MBNL1: variants seen among roughly 807,000 people sequenced by gnomAD.
MBNL1 encodes muscleblind like splicing regulator 1, also known as muscleblind-like protein 1.
In MBNL1, 8 loss-of-function variants were observed where a neutral mutation model predicts 42.2. The observed-to-expected ratio is 0.19, with a 90% CI of 0.11 to 0.34. The LOEUF is 0.34. Ranked by LOEUF, MBNL1 falls within the 10% of genes least tolerant of loss-of-function variation. The probability of loss-of-function intolerance (pLI) is 1.00; values close to 1 mark genes in which losing one functional copy is unlikely to be tolerated. For synonymous variants in MBNL1, 169 were observed against 173.9 expected (o/e 0.97, Z 0.22); for missense variants, 309 against 495.3 (o/e 0.62, Z 3.57).
intron 2 of MBNL1, among the ~76,000 whole-genome samples, chr3:152,311,563 A>C (rs763754509): frequency 6.6e-6 from 1 of 152,150 alleles, no homozygotes; most frequent in Non-Finnish European, 1.5e-5. Context: ...TTCTAGGACT[A>C]AAATTTCAGT....
chr3:152,399,760 C>T (rs2098134644), intron 2 of MBNL1, among the ~76,000 whole-genome samples: 1 of 152,144 alleles, frequency 6.6e-6, no homozygotes, highest in African/African-American at 2.4e-5. Context: ...ATCTCAGCCT[C>T]CCAAAGTACT....
intron 2 of MBNL1, chr3:152,338,204 T>G: frequency 1.0e-6 from 1 of 985,440 alleles, no homozygotes; most frequent in Non-Finnish European, 1.2e-6. Flanking sequence ...TTTGTTGCAT[T>G]TCTCCATTGC....
At chr3:152,261,822 A>C (rs2036337078) in intron 2 of MBNL1, among the ~76,000 whole-genome samples, 1 of 152,144 alleles carries the variant, frequency 6.6e-6, no homozygotes, top group Non-Finnish European at 1.5e-5. Flanking sequence ...ATAGCCTTTC[A>C]TGACTTTTTT....
intron 1 of MBNL1, among the ~76,000 whole-genome samples, chr3:152,298,408 C>G (rs1474104161): frequency 1.3e-5 from 2 of 152,216 alleles, no homozygotes; most frequent in African/African-American, 4.8e-5. Context: ...GGGGATCCCT[C>G]ATCCCCCACC....
intron 2 of MBNL1, among the ~76,000 whole-genome samples, chr3:152,260,603 A>C (rs1264795172): frequency 2.6e-5 from 4 of 152,360 alleles, no homozygotes; most frequent in African/African-American, 7.2e-5. Context: ...GACACACTTT[A>C]TCTCTCAGAG....
At chr3:152,375,724 T>TG (rs1305138781) in intron 2 of MBNL1, among the ~76,000 whole-genome samples, 3 of 151,536 alleles carry the variant, frequency 2.0e-5, no homozygotes, top group African/African-American at 7.3e-5. Context: ...GAGTCTGAGG[T>TG]GGGGGGATTG....
chr3:152,360,064 A>G (rs544223908), intron 2 of MBNL1, among the ~76,000 whole-genome samples: 1 of 152,330 alleles, frequency 6.6e-6, no homozygotes, highest in East Asian at 1.9e-4. Flanking sequence ...TGTCATGTCA[A>G]CCACATACCT....
chr3:152,263,548 C>T (rs1274999655), upstream of MBNL1: 1 of 152,170 alleles, frequency 6.6e-6, no homozygotes, highest in African/African-American at 2.4e-5. Context: ...AAATCACATT[C>T]CGCTGCTGGG....
rs187588749 is a variant in MBNL1, at chr3:152,345,150, T to C, written c.174+44783T>C. 3.9e-5 allele frequency among the ~76,000 whole-genome samples: 6 copies of C among 152,152 alleles called. No individual in the cohort carries two copies. In the East Asian group the frequency reaches 1.2e-3, roughly 29 times the overall value. ...TATTTTGGCAATTCACTGTGGGAGT[T>C]TTAATTAGGTAGTATGTTTGGGTTA... On this transcript the variant is annotated intron_variant, in intron 2 of 9. Coordinates refer to ENST00000324210, the MANE Select transcript of MBNL1 (RefSeq NM_021038.5).
chr3:152,346,020 T>C (rs186565859), intron 2 of MBNL1, among the ~76,000 whole-genome samples: 2 of 152,266 alleles, frequency 1.3e-5, no homozygotes, highest in East Asian at 3.9e-4. Flanking sequence ...TTTAGCTTCC[T>C]ATTTTATGAG....
chr3:152,381,442 C>A (rs1248006464), intron 2 of MBNL1, among the ~76,000 whole-genome samples: 2 of 151,786 alleles, frequency 1.3e-5, no homozygotes, highest in East Asian at 3.9e-4. Context: ...AAGAAAAATT[C>A]CTATTTACAG....
chr3:152,374,002 A>G (rs1432832851), intron 2 of MBNL1, among the ~76,000 whole-genome samples: 1 of 152,214 alleles, frequency 6.6e-6, no homozygotes, highest in Non-Finnish European at 1.5e-5. Flanking sequence ...GGAATAGGCT[A>G]GAACATTTTA....
intron 2 of MBNL1, among the ~76,000 whole-genome samples, chr3:152,399,791 C>T (rs2098136065): frequency 6.6e-6 from 1 of 152,212 alleles, no homozygotes; most frequent in South Asian, 2.1e-4. Context: ...GCATGAGCCA[C>T]TGCACCCACC....
At chr3:152,313,684 T>G (rs2068514270) in intron 2 of MBNL1, among the ~76,000 whole-genome samples, 1 of 152,220 alleles carries the variant, frequency 6.6e-6, no homozygotes, top group African/African-American at 2.4e-5. Context: ...GAATGTTATT[T>G]GTCATTATGC....
At chr3:152,358,993 G>C (rs1389741480) in intron 2 of MBNL1, among the ~76,000 whole-genome samples, 1 of 152,148 alleles carries the variant, frequency 6.6e-6, no homozygotes, top group East Asian at 1.9e-4. Flanking sequence ...AATTTCCCTT[G>C]AAGGGGAAAC....
chr3:152,429,741 T>C (rs932450656), intron 3 of MBNL1, among the ~76,000 whole-genome samples: 4 of 151,876 alleles, frequency 2.6e-5, no homozygotes, highest in Admixed American at 6.6e-5. Context: ...ATAACTAAAG[T>C]GATGTAACAA....
chr3:152,386,252 GA>G (rs1306382717), intron 2 of MBNL1, among the ~76,000 whole-genome samples: 2 of 151,358 alleles, frequency 1.3e-5, no homozygotes, highest in African/African-American at 4.9e-5. Context: ...ATTTTTGGTT[GA>G]AAAAAAGGAA....
chr3:152,334,121 G>A (rs1412090702), intron 2 of MBNL1, among the ~76,000 whole-genome samples: 1 of 152,196 alleles, frequency 6.6e-6, no homozygotes, highest in African/African-American at 2.4e-5. Context: ...TCATGATGAA[G>A]TGAACACTGT....
intron 2 of MBNL1, among the ~76,000 whole-genome samples, chr3:152,315,872 TCTCTCTCTCTCTCTCACTC>T (rs1019596911): frequency 4.9e-5 from 7 of 141,770 alleles, no homozygotes; most frequent in African/African-American, 1.8e-4. Flanking sequence ...ACACACTCTC[TCTCTCTCTCTCTCTCACTC>T]CTCTCTCTCT....
Sources: gnomAD v4.1 joint callset for allele counts (sites outside exome capture counted in the v4.1 genomes callset) on GRCh38, gnomAD v4.1.1 for gene constraint, MANE v1.5 for transcripts, NCBI Gene and HGNC (gene_info 2026-07-23, HGNC 2026-07-21) for gene names.